Variants in MDGA2 observed in about 807,000 individuals in gnomAD.
MDGA2 encodes the protein MAM domain-containing glycosylphosphatidylinositol anchor protein 2.
In MDGA2, 40 loss-of-function variants were observed where a neutral mutation model predicts 117.8. The ratio of observed to expected loss-of-function variants is 0.34; its 90% CI spans 0.26 to 0.44. MDGA2 has a LOEUF of 0.44. Ranked by LOEUF, MDGA2 falls within the 20% of genes least tolerant of loss-of-function variation. The pLI is 1.00. For synonymous variants in MDGA2, 452 were observed against 439.0 expected, an observed-to-expected ratio of 1.03 and a Z score of -0.37; for missense variants, 1,123 against 1,250.6, an observed-to-expected ratio of 0.90 and a Z score of 1.54.
intron 2 of MDGA2, among the ~76,000 whole-genome samples, chr14:47,225,676 T>C (rs1348902706): frequency 7.4e-6 from 1 of 135,496 alleles, no homozygotes; most frequent in Non-Finnish European, 1.6e-5. Context: ...GTGGGGGGAG[T>C]GGGGAGGGAT....
chr14:47,360,305 C>T (rs555505069), intron 1 of MDGA2, among the ~76,000 whole-genome samples: 4 of 150,772 alleles, frequency 2.7e-5, no homozygotes, highest in South Asian at 2.1e-4. Context: ...GAGCCAAGAT[C>T]GTGCCATTGC....
intron 9 of MDGA2, among the ~76,000 whole-genome samples, chr14:46,924,300 T>C (rs1001447064): frequency 6.6e-6 from 1 of 152,078 alleles, no homozygotes; most frequent in Non-Finnish European, 1.5e-5. Context: ...AATATAATTT[T>C]ATGCATAAAG....
chr14:47,189,673 C>A (rs1359353950), intron 3 of MDGA2, among the ~76,000 whole-genome samples: 1 of 151,990 alleles, frequency 6.6e-6, no homozygotes. Context: ...AAGTTTAATC[C>A]CATAATTGTT....
intron 3 of MDGA2, among the ~76,000 whole-genome samples, chr14:47,177,464 T>G (rs976329775): frequency 6.6e-6 from 1 of 152,216 alleles, no homozygotes; most frequent in African/African-American, 2.4e-5. Context: ...TGGAATACTA[T>G]GCAGCCATAA....
chr14:47,189,411 C>A (rs982355512), intron 3 of MDGA2, among the ~76,000 whole-genome samples: 1 of 151,938 alleles, frequency 6.6e-6, no homozygotes, highest in African/African-American at 2.4e-5. Context: ...CCCACAGCCA[C>A]GGAATATAGT....
intron 3 of MDGA2, among the ~76,000 whole-genome samples, chr14:47,149,234 G>A (rs1167466670): frequency 6.6e-6 from 1 of 152,102 alleles, no homozygotes; most frequent in African/African-American, 2.4e-5. Context: ...AGGTTGCAGT[G>A]AGCCAAGATC....
chr14:46,944,981 C>T (rs1885121982), intron 9 of MDGA2, among the ~76,000 whole-genome samples: 1 of 151,942 alleles, frequency 6.6e-6, no homozygotes, highest in South Asian at 2.1e-4. Flanking sequence ...TTATTCTGGA[C>T]CAAAAGTAAC....
intron 7 of MDGA2, among the ~76,000 whole-genome samples, chr14:47,058,070 A>G (rs1306562394): frequency 1.3e-5 from 2 of 152,122 alleles, no homozygotes; most frequent in Non-Finnish European, 2.9e-5. Flanking sequence ...AAGAAAAATG[A>G]TTTTCTGTCT....
intron 1 of MDGA2, among the ~76,000 whole-genome samples, chr14:47,504,954 C>T (rs556256767): frequency 4.7e-4 from 72 of 152,008 alleles, no homozygotes; most frequent in Non-Finnish European, 9.6e-4. Flanking sequence ...TAGCTGTCCA[C>T]CAACAAATTA....
chr14:46,841,760 T>A lies in MDGA2; in HGVS notation c.*171A>T. 2.1e-6 allele frequency: 1 copy of A among 478,828 alleles called. No homozygotes were observed. Among genetic ancestry groups the A allele is most frequent in the Admixed American group, 3.7e-5 (1 of 27,234 alleles). 29.7% of individuals were successfully genotyped at this position (478,828 alleles called of 1,614,324 possible). ...TAGTCTGGAATAAGTTATACTTCCA[T>A]GATGTCTTTTTATCCCCAGTGCTTA... is the stretch of plus-strand genomic sequence containing the variant. On this transcript the variant is annotated 3_prime_UTR_variant, in exon 17 of 17. Transcript: ENST00000399232.
intron 3 of MDGA2, among the ~76,000 whole-genome samples, chr14:47,163,707 C>T (rs761369889): frequency 9.2e-5 from 14 of 152,108 alleles, no homozygotes; most frequent in Non-Finnish European, 1.3e-4. Context: ...TGTTTCAGCA[C>T]GAGGAGGAAA....
At chr14:47,454,002 C>G (rs925473325) in intron 1 of MDGA2, among the ~76,000 whole-genome samples, 2 of 151,972 alleles carry the variant, frequency 1.3e-5, no homozygotes, top group African/African-American at 4.8e-5. Context: ...GATGATGTAG[C>G]AGATGTTAAA....
In MDGA2 at chr14:47,564,444, C is replaced by T. The variant is rs559845994; in HGVS notation, c.280+110073G>A. 5.9e-5 allele frequency among the ~76,000 whole-genome samples: 9 copies of T among 152,296 alleles called. No individual in the cohort carries two copies. In the South Asian group the frequency reaches 1.5e-3, roughly 25 times the overall value. ...AAGGAAGAGCAGGTCACGTCTTTCA[C>T]AGATGGCAGCAGGCAAAGAGAGCCA... On this transcript the variant is annotated intron_variant, in intron 1 of 16. Transcript: ENST00000399232.
At chr14:47,248,521 T>A (rs1379496764) in intron 2 of MDGA2, among the ~76,000 whole-genome samples, 1 of 151,790 alleles carries the variant, frequency 6.6e-6, no homozygotes, top group African/African-American at 2.4e-5. Context: ...TTATATTTTT[T>A]AAAAGTTATG....
chr14:47,627,111 CCT>C (rs1897160260), intron 1 of MDGA2, among the ~76,000 whole-genome samples: 1 of 151,932 alleles, frequency 6.6e-6, no homozygotes, highest in African/African-American at 2.4e-5. Flanking sequence ...ACTTGGAGAA[CCT>C]TTATGTCTAG....
At chr14:46,927,984 T>G (rs1345153830) in intron 9 of MDGA2, among the ~76,000 whole-genome samples, 1 of 152,158 alleles carries the variant, frequency 6.6e-6, no homozygotes, top group African/African-American at 2.4e-5. Flanking sequence ...ACATTGTCAG[T>G]CTTTACAAAT....
Position 47,139,871 on chromosome 14 carries a change from T to C in MDGA2, c.792+4207A>G, listed in dbSNP as rs867831777. 1.7e-3 allele frequency among the ~76,000 whole-genome samples: 241 copies of C among 140,252 alleles called. 1 individual carries two copies. The highest frequency in any genetic ancestry group is 3.0e-3 in the African/African-American group (112 of 36,936). 92.0% of individuals were successfully genotyped at this position (140,252 alleles called of 152,430 possible). A position where few individuals can be genotyped will look rare whatever the true frequency, so the allele number is the denominator to read the frequency against. ...ACATATATATACACATATATATATA[T>C]ACACACACACACATATATATATATA... On this transcript the variant is annotated intron_variant, in intron 4 of 16. Transcript: ENST00000399232.
intron 8 of MDGA2, among the ~76,000 whole-genome samples, chr14:46,975,384 T>G (rs1014348346): frequency 9.9e-5 from 15 of 152,234 alleles, no homozygotes; most frequent in East Asian, 9.7e-4. Flanking sequence ...AAGATATATT[T>G]GTACAGCCAG....
chr14:47,050,885 T>C (rs1488987372), intron 7 of MDGA2, among the ~76,000 whole-genome samples: 1 of 151,974 alleles, frequency 6.6e-6, no homozygotes, highest in African/African-American at 2.4e-5. Context: ...TCTAACATCC[T>C]AACACTTTTT....
Sources: allele counts gnomAD v4.1 joint callset (sites outside exome capture counted in the v4.1 genomes callset), GRCh38; gene constraint gnomAD v4.1.1; transcripts MANE v1.5; gene names NCBI Gene and HGNC (gene_info 2026-07-23, HGNC 2026-07-21).